Variants in POU2F3 observed in about 807,000 individuals in gnomAD.
The protein encoded by POU2F3 is POU domain, class 2, transcription factor 3.
A neutral mutation model predicts 59.2 loss-of-function variants in POU2F3; 23 were observed. The observed-to-expected ratio is 0.39, with a 90% CI of 0.28 to 0.55. The LOEUF is 0.55. Among genes scored for constraint, POU2F3 ranks in the 20% least tolerant of loss-of-function variants. POU2F3 has a pLI of 0.66. For synonymous variants in POU2F3, 190 were observed against 214.6 expected, an observed-to-expected ratio of 0.89 and a Z score of 1.00; for missense variants, 473 against 544.5, an observed-to-expected ratio of 0.87 and a Z score of 1.31.
intron 3 of POU2F3, among the ~76,000 whole-genome samples, chr11:120,294,247 G>A (rs1941121350): frequency 6.6e-6 from 1 of 152,220 alleles, no homozygotes; most frequent in Non-Finnish European, 1.5e-5. Context: ...ACAGTGGGTG[G>A]AGAAGATCCT....
At chr11:120,261,952 C>T (rs980166694) in intron 2 of POU2F3, among the ~76,000 whole-genome samples, 3 of 152,230 alleles carry the variant, frequency 2.0e-5, no homozygotes, top group African/African-American at 7.2e-5. Flanking sequence ...CTGCAGGTTT[C>T]ACTGTGGACA....
chr11:120,307,514 A>G lies in POU2F3; in HGVS notation c.805A>G (p.Ser269Gly). ...GTCAGACCCCTCAGTGAGCACGCCCAGCTCCTACCCCAGCCTCAGTGAAGT... is the reference window on the plus strand; with the variant it reads ...GTCAGACCCCTCAGTGAGCACGCCCGGCTCCTACCCCAGCCTCAGTGAAGT... ...SPSDPSVSTP[S>G]SYPSLSEVFG... The change falls in exon 9 of 13, where the codon AGC (serine) becomes GGC (glycine). Residue 269 changes from serine to glycine, a missense_variant. Physicochemically the swap from Ser to Gly is moderately conservative, Grantham distance 56 (BLOSUM62 0). Coordinates refer to ENST00000543440, the MANE Select transcript of POU2F3 (RefSeq NM_014352.4). 6.2e-7 allele frequency: 1 copy of G among 1,614,156 alleles called. No individual in the cohort carries two copies. The highest frequency in any genetic ancestry group is 8.5e-7 in the Non-Finnish European group (1 of 1,179,998).
intron 3 of POU2F3, among the ~76,000 whole-genome samples, chr11:120,297,448 G>A (rs1941222219): frequency 1.3e-5 from 2 of 152,232 alleles, no homozygotes; most frequent in South Asian, 4.1e-4. Context: ...GACAGGCAAA[G>A]ACTGTCACTA....
chr11:120,240,385 G>A lies in POU2F3; in HGVS notation c.28+14G>A. The A allele has an allele frequency of 7.0e-7, 1 of 1,423,418 alleles. No individual in the cohort carries two copies. Among genetic ancestry groups the A allele is most frequent in the Non-Finnish European group, 9.3e-7 (1 of 1,078,718 alleles). The allele number at this position is 1,423,418 out of a possible 1,614,324, so 88.2% of individuals were successfully genotyped here. On this transcript the variant is annotated intron_variant, in intron 1 of 12. Transcript: ENST00000543440. ...CCATGCACACAGGTGAGGGGCGGAG[G>A]GAATGAGCTCTGACAGGTGTCACTG...
rs184054562 is a variant in POU2F3 at position 120,243,366 on chromosome 11, G to A, written c.28+2995G>A. Among the ~76,000 whole-genome samples, 942 of 152,192 alleles carry A rather than the reference G, an allele frequency of 6.2e-3. 7 individuals are homozygous for A. Among genetic ancestry groups the A allele is most frequent in the Middle Eastern group, 0.017 (5 of 294 alleles). On this transcript the variant is annotated intron_variant, in intron 1 of 12. Transcript: ENST00000543440. ...CAGGACCCTCAGCCTGCAGCCTGTG[G>A]GGAGTGCTTCCTCTCGAGCTTTCTT...
chr11:120,307,752 C>A (rs1941538825), intron 9 of POU2F3, 137 bp downstream of exon 9: 1 of 1,186,574 alleles, frequency 8.4e-7, no homozygotes, highest in African/African-American at 1.5e-5. Context: ...CACATTATCC[C>A]ACTCCAGGCG....
chr11:120,289,516 CTTT>C (rs1940945501), intron 3 of POU2F3, among the ~76,000 whole-genome samples: 1 of 152,132 alleles, frequency 6.6e-6, no homozygotes, highest in Non-Finnish European at 1.5e-5. Context: ...CTTCTGAACT[CTTT>C]TGTCTTCTGC....
At chr11:120,302,244 G>A (rs2135287841) in intron 5 of POU2F3, 42 bp from the exon 6 acceptor site, 1 of 1,516,404 alleles carries the variant, frequency 6.6e-7, no homozygotes, top group Non-Finnish European at 9.1e-7. Flanking sequence ...AAATAGCCTG[G>A]ATTTTATTTG....
chr11:120,274,293 A>G (rs1286850467), intron 3 of POU2F3, among the ~76,000 whole-genome samples: 1 of 152,184 alleles, frequency 6.6e-6, no homozygotes, highest in Non-Finnish European at 1.5e-5. Flanking sequence ...GAGAATAGTG[A>G]TATCTGTCTC....
In POU2F3 at chr11:120,319,453, T is replaced by G; in HGVS notation, c.*1061T>G. 6.8e-6 allele frequency: 1 copy of G among 146,540 alleles called. No individual in the cohort carries two copies. Among genetic ancestry groups the G allele is most frequent in the East Asian group, 2.0e-4 (1 of 5,128 alleles). The allele number at this position is 146,540 out of a possible 1,614,324, so 9.1% of individuals were successfully genotyped here. A position where few individuals can be genotyped will look rare whatever the true frequency, so the allele number is the denominator to read the frequency against. On this transcript the variant is annotated 3_prime_UTR_variant, in exon 13 of 13. Coordinates refer to ENST00000543440, the MANE Select transcript of POU2F3 (RefSeq NM_014352.4). Reference sequence around the variant, plus strand: ...ATTTTTTTTTCTTTTTCTTTTTTTTTTTTTTTTTTGAGACAGTCTTGCTCC... The same window carrying G: ...ATTTTTTTTTCTTTTTCTTTTTTTTGTTTTTTTTTGAGACAGTCTTGCTCC...
chr11:120,244,161 A>G (rs930984301), intron 1 of POU2F3, among the ~76,000 whole-genome samples: 2 of 152,226 alleles, frequency 1.3e-5, no homozygotes, highest in South Asian at 4.1e-4. Flanking sequence ...TCCTGTCCTC[A>G]TGAACACTTT....
At chr11:120,236,684 C>G (rs537955434), upstream of POU2F3, 101 of 1,505,960 alleles carry the variant, frequency 6.7e-5, no homozygotes, top group South Asian at 1.1e-3. Flanking sequence ...ATGGAGTCTC[C>G]AAGAACTGCT....
At chr11:120,243,295 G>A (rs1295044637) in intron 1 of POU2F3, among the ~76,000 whole-genome samples, 5 of 152,150 alleles carry the variant, frequency 3.3e-5, no homozygotes, top group African/African-American at 1.2e-4. Flanking sequence ...CTAGGAGAGA[G>A]GGCTGTGGCT....
At chr11:120,246,950 G>T (rs1172062239) in intron 2 of POU2F3, among the ~76,000 whole-genome samples, 4 of 152,160 alleles carry the variant, frequency 2.6e-5, no homozygotes, top group Admixed American at 2.6e-4. Context: ...GTGCATGTGG[G>T]TGGCAAATAG....
intron 3 of POU2F3, among the ~76,000 whole-genome samples, chr11:120,288,727 A>G (rs1486890966): frequency 7.1e-6 from 1 of 140,880 alleles, no homozygotes; most frequent in Non-Finnish European, 1.6e-5. Context: ...CTACTGCGAG[A>G]CAGTGACACA....
Position 120,318,391 on chromosome 11 carries a change from G to T in POU2F3, c.1310G>T (p.Ter437LeuextTer60). ...TGGAATCATTCCACCTACCTCCACTGAGACCAAAAAGTTTCTCCTACTCCA... is the reference window on the plus strand; with the variant it reads ...TGGAATCATTCCACCTACCTCCACTTAGACCAAAAAGTTTCTCCTACTCCA... ...YRWNHSTYLH[*>L] The change falls in exon 13 of 13, where the codon TGA becomes TTA. Residue 437 changes from the stop codon to leucine, a stop_lost. Coordinates refer to ENST00000543440, the MANE Select transcript of POU2F3 (RefSeq NM_014352.4). 6.2e-7 allele frequency: 1 copy of T among 1,601,668 alleles called. No homozygotes were observed. Among genetic ancestry groups the T allele is most frequent in the Non-Finnish European group, 8.6e-7 (1 of 1,168,688 alleles).
Position 120,262,041 on chromosome 11 carries a change from T to C in POU2F3, c.98-7169T>C, listed in dbSNP as rs542785231. 7.9e-5 allele frequency among the ~76,000 whole-genome samples: 12 copies of C among 152,368 alleles called. No individual in the cohort carries two copies. In the South Asian group the frequency reaches 2.5e-3, roughly 32 times the overall value. ...CAGCTTCTACCATTGTTCTGCTCTT[T>C]GGAGCTGTAGGCTAAGCCTGCTTCA... On this transcript the variant is annotated intron_variant, in intron 2 of 12. Transcript: ENST00000543440.
chr11:120,271,699 C>T (rs1041678399), intron 3 of POU2F3, among the ~76,000 whole-genome samples: 7 of 152,210 alleles, frequency 4.6e-5, no homozygotes, highest in Non-Finnish European at 7.3e-5. Flanking sequence ...GCCCCTCTGA[C>T]CCTGGGAGGC....
At chr11:120,288,003 G>A (rs114327294) in intron 3 of POU2F3, among the ~76,000 whole-genome samples, 3,023 of 150,700 alleles carry the variant, frequency 0.02, 100 homozygotes, top group African/African-American at 0.068. Context: ...GGGATTGCTA[G>A]AAGCAAGCAT....
Sources: allele counts gnomAD v4.1 joint callset (sites outside exome capture counted in the v4.1 genomes callset), GRCh38; gene constraint gnomAD v4.1.1; transcripts MANE v1.5; gene names NCBI Gene and HGNC (gene_info 2026-07-23, HGNC 2026-07-21).